Variants in RBPJ observed in about 807,000 individuals in gnomAD.
RBPJ encodes recombination signal binding protein for immunoglobulin kappa J region.
A neutral mutation model predicts 67.8 loss-of-function variants in RBPJ; 9 were observed. The observed-to-expected ratio is 0.13, with a 90% CI of 0.08 to 0.23. The LOEUF is 0.23. RBPJ is among the 10% of genes least tolerant of loss of function. The pLI, the probability that RBPJ is intolerant of heterozygous loss-of-function variation, is 1.00. For synonymous variants in RBPJ, 198 were observed against 203.3 expected (o/e 0.97, Z 0.22); for missense variants, 305 against 595.6 (o/e 0.51, Z 5.08).
intron 1 of RBPJ, among the ~76,000 whole-genome samples, chr4:26,379,092 TATA>T (rs776400208): frequency 3.9e-5 from 6 of 152,040 alleles, no homozygotes; most frequent in Non-Finnish European, 8.8e-5. Context: ...GTACAGCAAA[TATA>T]ATGAGAAGGA....
chr4:26,127,622 T>C, the RBPJ span, among the ~76,000 whole-genome samples: 3 of 152,190 alleles, frequency 2.0e-5, no homozygotes, highest in Admixed American at 2.0e-4. Flanking sequence ...GGAGTAAATA[T>C]ATAAGTACAG....
chr4:26,257,844 G>A lies in RBPJ; in HGVS notation c.-167+94230G>A, dbSNP rs148495593. Among the ~76,000 whole-genome samples, 123 of 152,296 alleles carry A rather than the reference G, an allele frequency of 8.1e-4. 1 individual carries two copies. The highest frequency in any genetic ancestry group is 2.9e-3 in the African/African-American group (119 of 41,566). On this transcript the variant is annotated intron_variant, in intron 1 of 4. Coordinates refer to the RBPJ transcript ENST00000512351. ...GAGGAACCAAAAAGAAGAGAAAATG[G>A]TCCTGGGGCCATCTGTAACCCAAAT... is the stretch of plus-strand genomic sequence containing the variant.
At chr4:26,288,435 T>G (rs1721552693) in intron 1 of RBPJ, among the ~76,000 whole-genome samples, 1 of 152,230 alleles carries the variant, frequency 6.6e-6, no homozygotes, top group African/African-American at 2.4e-5. Flanking sequence ...GTTGGCTTCT[T>G]CTGCAATGAG....
Position 26,297,160 on chromosome 4 carries a change from G to A in RBPJ, c.-166-65286G>A, listed in dbSNP as rs1441862755. Among the ~76,000 whole-genome samples, 4 of 152,100 alleles carry A rather than the reference G, an allele frequency of 2.6e-5. No homozygotes were observed. In the East Asian group the frequency reaches 5.8e-4, roughly 22 times the overall value. On this transcript the variant is annotated intron_variant, in intron 1 of 4. Coordinates refer to the RBPJ transcript ENST00000512351. ...AATTTTAAAAAATTATCCAGGCGTG[G>A]TGGCAGACACCTGTAGTCCCAGCTA...
At chr4:26,425,461 A>C (rs76250915) in intron 7 of RBPJ, among the ~76,000 whole-genome samples, 5,801 of 141,944 alleles carry the variant, frequency 0.041, 190 homozygotes, top group Admixed American at 0.11. Flanking sequence ...CCGCCCCCCC[A>C]AAAAAAAAAT....
intron 1 of RBPJ, among the ~76,000 whole-genome samples, chr4:26,259,504 A>G (rs752751685): frequency 2.0e-5 from 3 of 152,154 alleles, no homozygotes; most frequent in Non-Finnish European, 4.4e-5. Flanking sequence ...TCAGGATTGT[A>G]CTGGGAAAGC....
chr4:26,225,771 T>G (rs1378147872), intron 1 of RBPJ, among the ~76,000 whole-genome samples: 1 of 152,044 alleles, frequency 6.6e-6, no homozygotes, highest in Non-Finnish European at 1.5e-5. Flanking sequence ...AAAAAAGATC[T>G]ATTAATTTTA....
chr4:26,141,241 C>T, the RBPJ span, among the ~76,000 whole-genome samples: 44 of 152,364 alleles, frequency 2.9e-4, no homozygotes, highest in African/African-American at 1.0e-3. Flanking sequence ...GTTATTCATG[C>T]GTGGATGTTC....
At chr4:26,182,948 T>A (rs1717066885) in intron 1 of RBPJ, among the ~76,000 whole-genome samples, 1 of 152,200 alleles carries the variant, frequency 6.6e-6, no homozygotes, top group Non-Finnish European at 1.5e-5. Flanking sequence ...AACTGTCATC[T>A]CCTATGATAA....
chr4:26,179,271 G>A (rs1047944960), intron 1 of RBPJ, among the ~76,000 whole-genome samples: 5 of 150,870 alleles, frequency 3.3e-5, no homozygotes, highest in Admixed American at 1.3e-4. Flanking sequence ...CTGCATTTTG[G>A]TGGGAAGTGA....
chr4:26,175,001 C>G (rs939978168), intron 1 of RBPJ, among the ~76,000 whole-genome samples: 12 of 152,014 alleles, frequency 7.9e-5, no homozygotes, highest in African/African-American at 2.9e-4. Context: ...AAAGACATGG[C>G]AGAGATTTGG....
At chr4:26,391,875 A>G (rs1731539391) in intron 2 of RBPJ, among the ~76,000 whole-genome samples, 1 of 152,352 alleles carries the variant, frequency 6.6e-6, no homozygotes, top group South Asian at 2.1e-4. Flanking sequence ...ATAAGCCACA[A>G]ATTTATGTCT....
At chr4:26,303,147 C>T (rs2109301029) in intron 1 of RBPJ, among the ~76,000 whole-genome samples, 1 of 150,214 alleles carries the variant, frequency 6.7e-6, no homozygotes, top group East Asian at 2.0e-4. Flanking sequence ...CACCACTGCA[C>T]TCCAGCCTGG....
intron 1 of RBPJ, among the ~76,000 whole-genome samples, chr4:26,294,063 G>GTTGTTTTTGTTTTTGTTT (rs145910389): frequency 6.8e-6 from 1 of 147,598 alleles, no homozygotes; most frequent in Non-Finnish European, 1.5e-5. Flanking sequence ...CGGCCAGGAA[G>GTTGTTTTTGTTTTTGTTT]TTGTTTTTGT....
At chr4:26,244,214 C>CATATGTGTACACATATATGTGTCTAT (rs1719764154) in intron 1 of RBPJ, among the ~76,000 whole-genome samples, 1 of 106,702 alleles carries the variant, frequency 9.4e-6, no homozygotes, top group Non-Finnish European at 2.1e-5. Flanking sequence ...TATGTATACA[C>CATATGTGTACACATATATGTGTCTAT]ATATGTGTAC....
rs3214341 is a variant in RBPJ, at chr4:26,430,199, GA to G, written c.1044+155del. On this transcript the variant is annotated intron_variant, in intron 9 of 10. Coordinates refer to ENST00000355476, the MANE Select transcript of RBPJ (RefSeq NM_015874.6). The surrounding 1 kb of genome is among the most constrained non-coding windows in gnomAD (Gnocchi z 4.1). ...TATATACACCATTTGTTGATTTAAA[GA>G]AAAAAAAACAAAATTAGGAGGAGCG... 91,175 of 988,644 alleles carry G rather than the reference GA, an allele frequency of 0.092. 5,997 individuals are homozygous for G. Among genetic ancestry groups the G allele is most frequent in the East Asian group, 0.26 (9,991 of 38,102 alleles). The allele number at this position is 988,644 out of a possible 1,614,324, so 61.2% of individuals were successfully genotyped here. A position where few individuals can be genotyped will look rare whatever the true frequency, so the allele number is the denominator to read the frequency against.
At chr4:26,335,908 C>T (rs751711154) in intron 1 of RBPJ, among the ~76,000 whole-genome samples, 1 of 152,166 alleles carries the variant, frequency 6.6e-6, no homozygotes, top group African/African-American at 2.4e-5. Context: ...CAGGCATGAG[C>T]CACCACGCCC....
chr4:26,369,068 C>T (rs1462376717), intron 1 of RBPJ, among the ~76,000 whole-genome samples: 2 of 152,144 alleles, frequency 1.3e-5, no homozygotes, highest in Non-Finnish European at 2.9e-5. Context: ...AGTGAATAGT[C>T]ATAACAGGTA....
chr4:26,207,591 T>A (rs1420699437), intron 1 of RBPJ, among the ~76,000 whole-genome samples: 4 of 152,184 alleles, frequency 2.6e-5, no homozygotes, highest in African/African-American at 9.7e-5. Context: ...GACACAGACG[T>A]GTGTTGAGCT....
Sources: gnomAD v4.1 joint callset for allele counts (sites outside exome capture counted in the v4.1 genomes callset) on GRCh38, gnomAD v4.1.1 for gene constraint, Gnocchi (gnomAD v3.1) non-coding constraint, MANE v1.5 for transcripts, NCBI Gene and HGNC (gene_info 2026-07-23, HGNC 2026-07-21) for gene names.